Variants in PCDH11X observed in about 807,000 individuals in gnomAD.
The protein encoded by PCDH11X is protocadherin 11 X-linked, also known as protocadherin-11 X-linked.
A neutral mutation model predicts 53.3 loss-of-function variants in PCDH11X; 18 were observed. The observed-to-expected ratio is 0.34, with a 90% CI of 0.23 to 0.50. The LOEUF (loss-of-function observed/expected upper bound fraction) is 0.50, where lower values mean the gene tolerates loss of function less well. Ranked by LOEUF, PCDH11X falls within the 20% of genes least tolerant of loss-of-function variation. The pLI, the probability that PCDH11X is intolerant of heterozygous loss-of-function variation, is 0.98. For synonymous variants in PCDH11X, 279 were observed against 393.3 expected, an observed-to-expected ratio of 0.71 and a Z score of 3.44; for missense variants, 570 against 1,032.4, an observed-to-expected ratio of 0.55 and a Z score of 6.14.
chrX:91,817,339 C>T (rs1241309106), intron 4 of PCDH11X, among the ~76,000 whole-genome samples: 5 of 101,065 alleles, frequency 4.9e-5, no homozygotes, highest in Non-Finnish European at 1.0e-4. Flanking sequence ...TATTCACTGC[C>T]TAATAGTTTC....
intron 6 of PCDH11X, among the ~76,000 whole-genome samples, chrX:92,065,865 G>A (rs2063600384): frequency 9.1e-6 from 1 of 110,122 alleles, no homozygotes; most frequent in Non-Finnish European, 1.9e-5. Flanking sequence ...TTAACTTGAT[G>A]TGATTCCATT....
chrX:91,965,720 A>T (rs1455126397), intron 6 of PCDH11X, among the ~76,000 whole-genome samples: 3 of 112,254 alleles, frequency 2.7e-5, no homozygotes, highest in African/African-American at 9.8e-5. Context: ...AATTCTTTAA[A>T]CAACTATTAT....
intron 6 of PCDH11X, among the ~76,000 whole-genome samples, chrX:92,025,282 A>G (rs1327081140): frequency 9.1e-6 from 1 of 109,916 alleles, no homozygotes; most frequent in Non-Finnish European, 1.9e-5. Flanking sequence ...ATTTACAAGA[A>G]AAAAAAAACC....
rs188392318 is a variant in PCDH11X at position 92,297,206 on chromosome X, T to C, written c.3144+34063T>C. 6.2e-3 allele frequency among the ~76,000 whole-genome samples: 686 copies of C among 110,342 alleles called. 3 individuals are homozygous for C. The highest frequency in any genetic ancestry group is 0.021 in the African/African-American group (649 of 30,347). ...TCATAATTGCTTTTGATTTCTCTGT[T>C]ATAAAATCTTTGCCAGGTCCTATGT... On this transcript the variant is annotated intron_variant, in intron 8 of 10. Transcript: ENST00000682573.
In PCDH11X at chrX:91,872,469, C is replaced by A. The variant is rs192039328; in HGVS notation, c.541-4312C>A. ...TTAATTCATGCATTTATTTATCTAA[C>A]AAATGTTTTCTGAATGTGTTCACAT... is the stretch of plus-strand genomic sequence containing the variant. On this transcript the variant is annotated intron_variant, in intron 5 of 10. Transcript: ENST00000682573. Among the ~76,000 whole-genome samples the A allele has an allele frequency of 2.3e-3, 252 of 110,793 alleles. 3 individuals carry two copies. Among genetic ancestry groups the A allele is most frequent in the Admixed American group, 0.02 (203 of 10,367 alleles).
At chrX:92,345,336 C>G (rs1378513324) in intron 8 of PCDH11X, among the ~76,000 whole-genome samples, 1 of 109,986 alleles carries the variant, frequency 9.1e-6, no homozygotes, top group East Asian at 2.8e-4. Flanking sequence ...CTAACTCCCA[C>G]TGGGTTAGAT....
intron 6 of PCDH11X, among the ~76,000 whole-genome samples, chrX:91,959,110 A>G (rs1199117606): frequency 9.3e-6 from 1 of 107,251 alleles, no homozygotes; most frequent in Non-Finnish European, 1.9e-5. Flanking sequence ...ACTTAATTTT[A>G]TGTAAAAATG....
At chrX:92,355,977 A>G (rs1222189312) in intron 8 of PCDH11X, among the ~76,000 whole-genome samples, 2 of 111,595 alleles carry the variant, frequency 1.8e-5, no homozygotes, top group Non-Finnish European at 3.8e-5. Context: ...TGTTACTTGT[A>G]CAGCCTCGTA....
At chrX:92,168,251 A>G (rs892353539) in intron 6 of PCDH11X, among the ~76,000 whole-genome samples, 19 of 108,032 alleles carry the variant, frequency 1.8e-4, no homozygotes, top group Admixed American at 6.0e-4. Context: ...CCCAGCTGAC[A>G]ATAGTCCTTT....
chrX:91,823,879 A>G (rs1318744214), intron 4 of PCDH11X, among the ~76,000 whole-genome samples: 1 of 110,616 alleles, frequency 9.0e-6, no homozygotes, highest in South Asian at 3.8e-4. Context: ...GGTGGTGACA[A>G]AATCTCTCAG....
chrX:92,100,639 C>T (rs746858430), intron 6 of PCDH11X, among the ~76,000 whole-genome samples: 2 of 110,258 alleles, frequency 1.8e-5, no homozygotes, highest in East Asian at 2.8e-4. Context: ...TGGTCGTATC[C>T]GTGCAAGTCA....
At chrX:92,147,425 T>C (rs1225916594) in intron 6 of PCDH11X, among the ~76,000 whole-genome samples, 3 of 111,776 alleles carry the variant, frequency 2.7e-5, no homozygotes, top group Non-Finnish European at 5.6e-5. Context: ...TTCTAATGTA[T>C]GTTTGAAAGG....
At chrX:92,616,381 CTT>C (rs1476368647) in intron 10 of PCDH11X, among the ~76,000 whole-genome samples, 1 of 74,936 alleles carries the variant, frequency 1.3e-5, no homozygotes, top group Non-Finnish European at 2.5e-5. Context: ...TACATTTAGA[CTT>C]TTGATTGATT....
intron 6 of PCDH11X, among the ~76,000 whole-genome samples, chrX:92,151,890 T>C (rs1454513739): frequency 9.4e-6 from 1 of 106,934 alleles, no homozygotes. Context: ...TTAAACATTG[T>C]AGATCTAAAA....
chrX:91,814,665 A>C (rs1204776254), intron 4 of PCDH11X, among the ~76,000 whole-genome samples: 1 of 92,359 alleles, frequency 1.1e-5, no homozygotes, highest in Non-Finnish European at 2.1e-5. Context: ...ATTGAGATCC[A>C]TTATGCAAAT....
Position 91,851,346 on chromosome X carries a change from CA to C in PCDH11X, c.540+15304del, listed in dbSNP as rs765199086. 7.2e-5 allele frequency among the ~76,000 whole-genome samples: 8 copies of C among 111,119 alleles called. No individual in the cohort carries two copies. The East Asian group carries it at 2.3e-3, about 31-fold the overall frequency. On this transcript the variant is annotated intron_variant, in intron 5 of 10. Coordinates refer to ENST00000682573, the MANE Select transcript of PCDH11X (RefSeq NM_032968.5). ...CCACTTTCATTTAAGAAATAATTAC[CA>C]ATATTAGATGTAACTTAAACATAAA...
chrX:92,328,430 GA>G (rs1209402432), intron 8 of PCDH11X, among the ~76,000 whole-genome samples: 2 of 110,176 alleles, frequency 1.8e-5, no homozygotes, highest in Non-Finnish European at 3.8e-5. Context: ...TTAAGCAGAA[GA>G]AAAAAAGTAA....
intron 7 of PCDH11X, among the ~76,000 whole-genome samples, chrX:92,222,838 A>G (rs1222718647): frequency 9.0e-6 from 1 of 111,633 alleles, no homozygotes. Flanking sequence ...TTTTCATTCT[A>G]AATTCCAGCC....
At chrX:91,931,476 A>C (rs1489759760) in intron 6 of PCDH11X, among the ~76,000 whole-genome samples, 11 of 111,025 alleles carry the variant, frequency 9.9e-5, no homozygotes, top group African/African-American at 3.6e-4. Context: ...TGAAGCAGGG[A>C]GATTTCCAGC....
Sources: gnomAD v4.1 joint callset for allele counts (sites outside exome capture counted in the v4.1 genomes callset) on GRCh38, gnomAD v4.1.1 for gene constraint, MANE v1.5 for transcripts, NCBI Gene and HGNC (gene_info 2026-07-23, HGNC 2026-07-21) for gene names.